Variants in SLC10A7 observed in about 807,000 individuals in gnomAD.
The protein encoded by SLC10A7 is solute carrier family 10 member 7.
In SLC10A7, 29 loss-of-function variants were observed where a neutral mutation model predicts 43.2. The observed-to-expected ratio is 0.67, with a 90% CI of 0.50 to 0.92. The LOEUF (loss-of-function observed/expected upper bound fraction) is 0.92. SLC10A7 is among the 40% of genes least tolerant of loss of function. The pLI, the probability that SLC10A7 is intolerant of heterozygous loss-of-function variation, is 0.00. For missense variants in SLC10A7, 295 were observed against 403.2 expected (o/e 0.73, Z 2.30); for synonymous variants, 152 against 144.8 (o/e 1.05, Z -0.35).
At chr4:146,449,493 C>T (rs1252179440) in intron 4 of SLC10A7, among the ~76,000 whole-genome samples, 1 of 152,072 alleles carries the variant, frequency 6.6e-6, no homozygotes, top group Non-Finnish European at 1.5e-5. Context: ...CTCCCCTAAC[C>T]TGTCCAGCAA....
chr4:146,441,660 G>T (rs887715872), intron 5 of SLC10A7: 50 of 978,830 alleles, frequency 5.1e-5, no homozygotes, highest in Non-Finnish European at 5.9e-5. Context: ...CAATCCGAGA[G>T]ATTATTTTTG....
intron 5 of SLC10A7, among the ~76,000 whole-genome samples, chr4:146,438,009 G>C (rs1311804979): frequency 6.6e-6 from 1 of 151,718 alleles, no homozygotes; most frequent in Non-Finnish European, 1.5e-5. Context: ...ACGTATCATT[G>C]TACAGGAAAG....
At chr4:146,406,499 C>T (rs1390316823) in intron 5 of SLC10A7, among the ~76,000 whole-genome samples, 1 of 152,162 alleles carries the variant, frequency 6.6e-6, no homozygotes, top group Non-Finnish European at 1.5e-5. Context: ...TGGTACTTTG[C>T]ATGGGAAAGC....
intron 4 of SLC10A7, among the ~76,000 whole-genome samples, chr4:146,454,923 T>C (rs1731923137): frequency 1.3e-5 from 2 of 151,864 alleles, no homozygotes; most frequent in South Asian, 2.1e-4. Flanking sequence ...TTGATAAATA[T>C]CTAAGATTTT....
At chr4:146,349,091 T>G (rs1440488156) in intron 5 of SLC10A7, among the ~76,000 whole-genome samples, 4 of 152,232 alleles carry the variant, frequency 2.6e-5, no homozygotes, top group Admixed American at 1.3e-4. Flanking sequence ...TCAGCTCTTA[T>G]TTTTCAAATG....
chr4:146,338,973 G>A (rs978812969), intron 5 of SLC10A7, among the ~76,000 whole-genome samples: 1 of 151,878 alleles, frequency 6.6e-6, no homozygotes, highest in African/African-American at 2.4e-5. Flanking sequence ...TTTTGAAAAA[G>A]CAAGGCAGAG....
intron 5 of SLC10A7, among the ~76,000 whole-genome samples, chr4:146,367,722 A>G (rs1259297110): frequency 1.3e-5 from 2 of 152,166 alleles, no homozygotes; most frequent in African/African-American, 4.8e-5. Context: ...TTGACTTAAG[A>G]ACTCATTGCT....
chr4:146,386,083 T>C (rs1472841195), intron 5 of SLC10A7, among the ~76,000 whole-genome samples: 5 of 152,184 alleles, frequency 3.3e-5, no homozygotes, highest in South Asian at 4.1e-4. Flanking sequence ...TTATTTTCCT[T>C]TGGACATATA....
chr4:146,399,585 G>C (rs536885450), intron 5 of SLC10A7, among the ~76,000 whole-genome samples: 1 of 152,258 alleles, frequency 6.6e-6, no homozygotes, highest in East Asian at 1.9e-4. Flanking sequence ...AATTTGAATA[G>C]TCATAGTGAA....
chr4:146,513,782 G>A (rs1737695837), intron 2 of SLC10A7: 1 of 152,108 alleles, frequency 6.6e-6, no homozygotes. Flanking sequence ...GGTAATAAAA[G>A]AAAATAACAA....
chr4:146,318,631 C>A (rs1035271975), intron 6 of SLC10A7, among the ~76,000 whole-genome samples: 1 of 152,018 alleles, frequency 6.6e-6, no homozygotes, highest in Non-Finnish European at 1.5e-5. Context: ...CCCAAATATA[C>A]ATCTCTAGTT....
At chr4:146,471,342 C>T (rs1733556048) in intron 4 of SLC10A7, among the ~76,000 whole-genome samples, 1 of 152,166 alleles carries the variant, frequency 6.6e-6, no homozygotes, top group Non-Finnish European at 1.5e-5. Context: ...AACACTGGAC[C>T]AACTGGGTTT....
intron 2 of SLC10A7, chr4:146,514,969 G>A (rs976960935): frequency 1.7e-5 from 10 of 583,830 alleles, no homozygotes; most frequent in African/African-American, 1.5e-4. Flanking sequence ...TAGATACCAC[G>A]ATAAAGCACG....
chr4:146,414,475 G>A (rs949125821), intron 5 of SLC10A7, among the ~76,000 whole-genome samples: 5 of 152,246 alleles, frequency 3.3e-5, no homozygotes, highest in South Asian at 2.1e-4. Flanking sequence ...TGTAATCCCA[G>A]CACTTTGGGA....
intron 5 of SLC10A7, among the ~76,000 whole-genome samples, chr4:146,328,234 G>A (rs1264181240): frequency 1.3e-5 from 2 of 152,166 alleles, no homozygotes; most frequent in Admixed American, 6.5e-5. Flanking sequence ...GCACCCATGT[G>A]CACCATGTGG....
intron 4 of SLC10A7, among the ~76,000 whole-genome samples, chr4:146,500,773 T>C (rs1283487613): frequency 6.6e-6 from 1 of 152,124 alleles, no homozygotes; most frequent in African/African-American, 2.4e-5. Context: ...TCTACTTCTA[T>C]CTCTAATTCT....
At chr4:146,474,187 A>C (rs1235761048) in intron 4 of SLC10A7, among the ~76,000 whole-genome samples, 3 of 152,100 alleles carry the variant, frequency 2.0e-5, no homozygotes, top group Non-Finnish European at 4.4e-5. Context: ...TGAGCTATTT[A>C]ATAGTCTCTA....
chr4:146,432,764 C>T (rs546818807), intron 5 of SLC10A7, among the ~76,000 whole-genome samples: 1 of 152,148 alleles, frequency 6.6e-6, no homozygotes, highest in Non-Finnish European at 1.5e-5. Flanking sequence ...AATAAACCGG[C>T]CGCGGTGGCT....
intron 10 of SLC10A7, among the ~76,000 whole-genome samples, chr4:146,262,038 C>T (rs1238552543): frequency 6.6e-6 from 1 of 152,242 alleles, no homozygotes; most frequent in Admixed American, 6.5e-5. Context: ...ATTTCCCCCA[C>T]TGCTCTATGG....
Sources: gnomAD v4.1 joint callset for allele counts (sites outside exome capture counted in the v4.1 genomes callset) on GRCh38, gnomAD v4.1.1 for gene constraint, MANE v1.5 for transcripts, NCBI Gene and HGNC (gene_info 2026-07-23, HGNC 2026-07-21) for gene names.